ANKRD36: variants seen among roughly 807,000 people sequenced by gnomAD.
The protein encoded by ANKRD36 is ankyrin repeat domain-containing protein 36A.
In ANKRD36, 179 loss-of-function variants were observed where a neutral mutation model predicts 278.1. The ratio of observed to expected loss-of-function variants is 0.64; its 90% CI spans 0.57 to 0.73. ANKRD36 has a LOEUF of 0.73. Ranked by LOEUF, ANKRD36 falls within the 30% of genes least tolerant of loss-of-function variation. ANKRD36 has a pLI of 0.00. For synonymous variants in ANKRD36, 320 were observed against 641.1 expected (o/e 0.50, Z 7.57); for missense variants, 1,159 against 1,956.7 (o/e 0.59, Z 7.69).
intron 66 of ANKRD36, among the ~76,000 whole-genome samples, chr2:97,221,746 G>T (rs1314443903): frequency 6.7e-6 from 1 of 149,832 alleles, no homozygotes; most frequent in Non-Finnish European, 1.5e-5. Context: ...CACTCGGATG[G>T]TAGTTTCTTT....
chr2:97,115,371 A>G (rs1366220873), intron 1 of ANKRD36, among the ~76,000 whole-genome samples: 1 of 152,152 alleles, frequency 6.6e-6, no homozygotes, highest in Non-Finnish European at 1.5e-5. Flanking sequence ...TATTCCTACA[A>G]ATATCACAAG....
chr2:97,176,551 C>T, intron 22 of ANKRD36, among the ~76,000 whole-genome samples: 8 of 144,686 alleles, frequency 5.5e-5, no homozygotes, highest in Admixed American at 7.0e-5. Context: ...CTGAATACAG[C>T]ACACTGATGG....
chr2:97,113,962 G>A, intron 1 of ANKRD36, 26 bp downstream of exon 1: 1 of 1,599,744 alleles, frequency 6.3e-7, no homozygotes. Context: ...AGCCGGGGCT[G>A]CGGGAGGAGG....
intron 64 of ANKRD36, 102 bp from the exon 65 acceptor site, chr2:97,218,948 A>C: frequency 9.4e-6 from 14 of 1,484,446 alleles, no homozygotes; most frequent in Admixed American, 2.1e-5. Flanking sequence ...CCCTACACTA[A>C]TACAGGCAAG....
intron 24 of ANKRD36, among the ~76,000 whole-genome samples, chr2:97,180,623 T>C (rs2055899005): frequency 1.3e-5 from 2 of 151,656 alleles, no homozygotes; most frequent in South Asian, 2.1e-4. Flanking sequence ...CAGGGACACA[T>C]GTTTTGTTGA....
intron 22 of ANKRD36, among the ~76,000 whole-genome samples, chr2:97,173,488 A>G: frequency 6.6e-6 from 1 of 151,832 alleles, no homozygotes; most frequent in Non-Finnish European, 1.5e-5. Flanking sequence ...TGTACACGTT[A>G]GTCAAGTGTC....
At chr2:97,137,607 ACCG>A (rs1334958742) in intron 6 of ANKRD36, among the ~76,000 whole-genome samples, 20 of 151,406 alleles carry the variant, frequency 1.3e-4, no homozygotes, top group Non-Finnish European at 2.5e-4. Context: ...ACACACACAC[ACCG>A]AGTATATGCC....
chr2:97,146,035 C>G (rs1214397898), intron 10 of ANKRD36, among the ~76,000 whole-genome samples: 1 of 152,038 alleles, frequency 6.6e-6, no homozygotes, highest in African/African-American at 2.4e-5. Flanking sequence ...TATGCGTGAA[C>G]CTGGCTCACT....
At chr2:97,125,496 C>A (rs1427386859) in intron 5 of ANKRD36, among the ~76,000 whole-genome samples, 1 of 150,002 alleles carries the variant, frequency 6.7e-6, no homozygotes, top group African/African-American at 2.5e-5. Context: ...CTCTTTAAAG[C>A]AAATATTAGT....
Position 97,154,765 on chromosome 2 carries a change from A to T in ANKRD36, c.1260+24A>T. ...AGGTAGAGTACTCTCTTGTGAAATT[A>T]ATTTTCTCATTCTGAATCTCATTTT... is the stretch of plus-strand genomic sequence containing the variant. On this transcript the variant is annotated intron_variant, in intron 15 of 75. Coordinates refer to ENST00000420699, the MANE Select transcript of ANKRD36 (RefSeq NM_001354587.1). The T allele has an allele frequency of 3.5e-6, 5 of 1,445,078 alleles. 1 individual carries two copies. The highest frequency in any genetic ancestry group is 3.7e-6 in the Non-Finnish European group (4 of 1,073,808). 89.5% of individuals were successfully genotyped at this position (1,445,078 alleles called of 1,614,324 possible).
At chr2:97,138,180 G>A (rs950253718) in intron 6 of ANKRD36, among the ~76,000 whole-genome samples, 1 of 152,072 alleles carries the variant, frequency 6.6e-6, no homozygotes, top group Non-Finnish European at 1.5e-5. Context: ...TGACATGATT[G>A]TATATTTAGA....
In ANKRD36 at chr2:97,179,747, A is replaced by G; in HGVS notation, c.1643A>G (p.Gln548Arg). 2 of 1,593,628 alleles carry G rather than the reference A, an allele frequency of 1.3e-6. No individual in the cohort carries two copies. The highest frequency in any genetic ancestry group is 1.7e-6 in the Non-Finnish European group (2 of 1,177,326). ...CCCTTTTGCTTTTCAGTGTCTTCTC[A>G]GAAACAACCAGCTGAGAAGGTAATT... ...DSPPPGKVSS[Q>R]KQPAEKATSD... The change falls in exon 23 of 76, where the codon CAG becomes CGG. Residue 548 changes from glutamine (Q) to arginine (R), a missense_variant. Gln to Arg is a conservative substitution (Grantham distance 43, BLOSUM62 1). Transcript: ENST00000420699.
intron 22 of ANKRD36, among the ~76,000 whole-genome samples, chr2:97,172,857 G>T (rs113197370): frequency 2.0e-5 from 3 of 148,832 alleles, no homozygotes; most frequent in South Asian, 2.1e-4. Flanking sequence ...GTGTGTGTGT[G>T]TATGTGTGTG....
chr2:97,202,865 G>A (rs1477532729), intron 48 of ANKRD36, among the ~76,000 whole-genome samples: 1 of 151,814 alleles, frequency 6.6e-6, no homozygotes, highest in African/African-American at 2.4e-5. Flanking sequence ...GAGGCAGGAA[G>A]GGGTGAAAAG....
chr2:97,156,346 A>T (rs2047430625), intron 15 of ANKRD36, among the ~76,000 whole-genome samples: 1 of 144,952 alleles, frequency 6.9e-6, no homozygotes, highest in Admixed American at 6.8e-5. Flanking sequence ...CATCAGGTAT[A>T]TCTCCCAATG....
chr2:97,117,528 A>G (rs2035814953), intron 1 of ANKRD36, among the ~76,000 whole-genome samples: 1 of 152,096 alleles, frequency 6.6e-6, no homozygotes, highest in African/African-American at 2.4e-5. Context: ...AATATATAAG[A>G]GAATAGTAGC....
In ANKRD36 at chr2:97,149,304, C is replaced by T. The variant is rs762316440; in HGVS notation, c.1044C>T (p.Tyr348=). 9 of 1,534,022 alleles carry T rather than the reference C, an allele frequency of 5.9e-6. No homozygotes were observed. The highest frequency in any genetic ancestry group is 1.4e-5 in the African/African-American group (1 of 72,906). ...AVEQCLNRSL[Y]RPDAVAQPVT... ...TCTTTTTGCTCTGTAGGAGTCTCTACAGACCTGATGCTGTTGCACAGCCTG... is the reference window on the plus strand; with the variant it reads ...TCTTTTTGCTCTGTAGGAGTCTCTATAGACCTGATGCTGTTGCACAGCCTG... The change falls in exon 12 of 76, where the codon TAC becomes TAT. Residue 348 remains tyrosine, a synonymous_variant. Transcript: ENST00000420699.
intron 67 of ANKRD36, among the ~76,000 whole-genome samples, chr2:97,229,366 G>T (rs1334265794): frequency 6.6e-6 from 1 of 152,004 alleles, no homozygotes; most frequent in African/African-American, 2.4e-5. Flanking sequence ...TCTTCTTGTT[G>T]AATTGATCTC....
At chr2:97,121,077 T>A (rs1371909806) in intron 3 of ANKRD36, among the ~76,000 whole-genome samples, 1 of 152,096 alleles carries the variant, frequency 6.6e-6, no homozygotes, top group Non-Finnish European at 1.5e-5. Flanking sequence ...TTTTATAATA[T>A]ATTTTAGTAA....
Sources: allele counts gnomAD v4.1 joint callset (sites outside exome capture counted in the v4.1 genomes callset), GRCh38; gene constraint gnomAD v4.1.1; transcripts MANE v1.5; gene names NCBI Gene and HGNC (gene_info 2026-07-23, HGNC 2026-07-21).